Variants in COL4A3 observed in about 807,000 individuals in gnomAD.
COL4A3 encodes the protein collagen type IV alpha 3 chain, also known as collagen alpha-3(IV) chain.
A neutral mutation model predicts 217.4 loss-of-function variants in COL4A3; 135 were observed. The observed-to-expected ratio is 0.62, with a 90% CI of 0.54 to 0.72. The LOEUF is 0.72. Ranked by LOEUF, COL4A3 falls within the 30% of genes least tolerant of loss-of-function variation. COL4A3 has a pLI of 0.00. For missense variants in COL4A3, 1,868 were observed against 2,119.9 expected, an observed-to-expected ratio of 0.88 and a Z score of 2.33; for synonymous variants, 690 against 736.3, an observed-to-expected ratio of 0.94 and a Z score of 1.02.
intron 1 of COL4A3, among the ~76,000 whole-genome samples, chr2:227,202,285 C>T (rs2066716583): frequency 6.6e-6 from 1 of 152,082 alleles, no homozygotes; most frequent in South Asian, 2.1e-4. Context: ...TTGTGGCTGT[C>T]CCCATGCCTT....
intron 37 of COL4A3, among the ~76,000 whole-genome samples, chr2:227,292,133 A>G (rs1009928679): frequency 6.6e-6 from 1 of 152,224 alleles, no homozygotes; most frequent in African/African-American, 2.4e-5. Context: ...TGACTCCAAT[A>G]TATAAAAAGT....
chr2:227,177,972 G>A (rs558362105), intron 1 of COL4A3, among the ~76,000 whole-genome samples: 2 of 152,276 alleles, frequency 1.3e-5, no homozygotes, highest in African/African-American at 4.8e-5. Flanking sequence ...TCCTTTAAGT[G>A]AAAAAGTGGA....
intron 42 of COL4A3, 46 bp from the exon 43 acceptor site, chr2:227,298,636 C>A: frequency 6.2e-7 from 1 of 1,611,694 alleles, no homozygotes; most frequent in Non-Finnish European, 8.5e-7. Flanking sequence ...ATAGAACCTT[C>A]CAAGCTCCCT....
At chr2:227,291,561 TCAAAAAAAAAAAAAAAAA>T (rs1463833146) in intron 37 of COL4A3, among the ~76,000 whole-genome samples, 7 of 29,384 alleles carry the variant, frequency 2.4e-4, no homozygotes, top group Non-Finnish European at 2.6e-4. Context: ...AGACTCCGTC[TCAAAAAAAAAAAAAAAAA>T]CAAAAAAAAA....
intron 1 of COL4A3, among the ~76,000 whole-genome samples, chr2:227,236,699 AC>A (rs2068723039): frequency 6.7e-6 from 1 of 148,326 alleles, no homozygotes; most frequent in African/African-American, 2.5e-5. Flanking sequence ...TCACTCTGTC[AC>A]CCTGGCTGGA....
At chr2:227,300,994 A>T (rs2073261702) in intron 43 of COL4A3, among the ~76,000 whole-genome samples, 1 of 152,148 alleles carries the variant, frequency 6.6e-6, no homozygotes, top group Non-Finnish European at 1.5e-5. Context: ...GGTGGGAATG[A>T]GGACACCTTG....
chr2:227,271,554 C>T (rs1050626552), intron 25 of COL4A3, among the ~76,000 whole-genome samples: 1 of 147,076 alleles, frequency 6.8e-6, no homozygotes, highest in Non-Finnish European at 1.5e-5. Context: ...CTCACTGCAA[C>T]CTCCATCTCC....
At chr2:227,220,042 T>C (rs1420607343) in intron 1 of COL4A3, among the ~76,000 whole-genome samples, 1 of 152,130 alleles carries the variant, frequency 6.6e-6, no homozygotes, top group Non-Finnish European at 1.5e-5. Context: ...TGATTTTCTG[T>C]ACTTGCTGAA....
At chr2:227,276,236 C>A in intron 26 of COL4A3, 149 bp from the exon 27 acceptor site, 1 of 681,886 alleles carries the variant, frequency 1.5e-6, no homozygotes. Context: ...GCTGGTCGTC[C>A]TTAAGCTAGT....
Position 227,253,193 on chromosome 2 carries a change from TAAAATA to T in COL4A3, c.646-102_646-97del. 1 of 942,848 alleles carries T rather than the reference TAAAATA, an allele frequency of 1.1e-6. No individual in the cohort carries two copies. The highest frequency in any genetic ancestry group is 1.7e-6 in the Non-Finnish European group (1 of 597,038). The allele number at this position is 942,848 out of a possible 1,614,324, so 58.4% of individuals were successfully genotyped here. On this transcript the variant is annotated intron_variant, in intron 11 of 51. Transcript: ENST00000396578. The surrounding 1 kb of genome is among the most constrained non-coding windows in gnomAD (Gnocchi z 4.4). ...ATATGTATCATTCTAAAATGAAAGT[TAAAATA>T]TAAATGCTCCCTTACAAATATTGGA...
At chr2:227,281,422 T>G (rs990053593) in intron 31 of COL4A3, among the ~76,000 whole-genome samples, 1 of 152,192 alleles carries the variant, frequency 6.6e-6, no homozygotes, top group Admixed American at 6.5e-5. Flanking sequence ...TAAAAACTTA[T>G]AAACTAAAAT....
intron 3 of COL4A3, among the ~76,000 whole-genome samples, chr2:227,242,035 C>T (rs2069053519): frequency 6.6e-6 from 1 of 152,168 alleles, no homozygotes; most frequent in African/African-American, 2.4e-5. Flanking sequence ...CTCTGGATGC[C>T]AACTGGGTAC....
chr2:227,293,081 T>G, intron 37 of COL4A3, 110 bp from the exon 38 acceptor site: 1 of 1,411,678 alleles, frequency 7.1e-7, no homozygotes, highest in Non-Finnish European at 9.8e-7. Flanking sequence ...TAGCAGATAC[T>G]AATATGAATT....
intron 43 of COL4A3, among the ~76,000 whole-genome samples, chr2:227,299,114 G>C (rs1024728148): frequency 6.6e-6 from 1 of 152,164 alleles, no homozygotes; most frequent in South Asian, 2.1e-4. Flanking sequence ...CCATCAGATC[G>C]GCCGGGCATG....
At chr2:227,295,147 G>T (rs2072972375) in intron 40 of COL4A3, 85 bp downstream of exon 40, 18 of 1,525,740 alleles carry the variant, frequency 1.2e-5, no homozygotes, top group Non-Finnish European at 1.6e-5. Context: ...CTGCTCTAAA[G>T]ATTTTTCTCT....
intron 44 of COL4A3, among the ~76,000 whole-genome samples, chr2:227,303,460 G>C (rs2073376439): frequency 6.6e-6 from 1 of 152,174 alleles, no homozygotes; most frequent in Non-Finnish European, 1.5e-5. Context: ...GTAATAAGCT[G>C]AGAAAGTAGG....
At chr2:227,254,830 C>A (rs1559871198) in intron 15 of COL4A3, 115 bp downstream of exon 15, 1 of 801,750 alleles carries the variant, frequency 1.2e-6, no homozygotes, top group African/African-American at 1.7e-5. Context: ...AATTTCTGTT[C>A]TTTAAGATTT....
intron 1 of COL4A3, among the ~76,000 whole-genome samples, chr2:227,222,122 C>CTAATAATAATAATAA (rs367763401): frequency 1.3e-3 from 132 of 105,272 alleles, no homozygotes; most frequent in African/African-American, 3.8e-3. Flanking sequence ...GACACTGTCT[C>CTAATAATAATAATAA]TAATAATAAT....
Position 227,279,794 on chromosome 2 carries a change from A to C in COL4A3, c.2127A>C (p.Gly709=), listed in dbSNP as rs1238746236. Residue 709 remains glycine (G), a splice_region_variant and synonymous_variant, in exon 29 of 52, where the codon GGA becomes GGC. Coordinates refer to ENST00000396578, the MANE Select transcript of COL4A3 (RefSeq NM_000091.5). ...IGFPGPPGPK[G]DQGFPGTKGS... is the part of the protein sequence containing the mutation. ...ATGTTTATTGTTTTTTCTCTGTAGG[A>C]GACCAAGGTTTTCCAGGTACAAAAG... 1.2e-6 allele frequency: 2 copies of C among 1,603,482 alleles called. No homozygotes were observed. The highest frequency in any genetic ancestry group is 1.7e-5 in the Admixed American group (1 of 59,128).
Sources: allele counts gnomAD v4.1 joint callset (sites outside exome capture counted in the v4.1 genomes callset), GRCh38; gene constraint gnomAD v4.1.1; non-coding constraint Gnocchi (gnomAD v3.1); transcripts MANE v1.5; gene names NCBI Gene and HGNC (gene_info 2026-07-23, HGNC 2026-07-21).